The following NLRP12 variants were observed in gnomAD, a reference collection of about 807,000 sequenced individuals.
The protein encoded by NLRP12 is NLR family pyrin domain containing 12, also known as NACHT, LRR and PYD domains-containing protein 12.
Under a neutral mutation model 91.2 loss-of-function variants are expected in NLRP12, and 108 were observed. The observed-to-expected ratio is 1.18, with a 90% CI of 1.01 to 1.39. The LOEUF is 1.39. NLRP12 is among the 40% of genes most tolerant of loss of function. The probability of loss-of-function intolerance (pLI) is 0.00; values close to 1 mark genes in which losing one functional copy is unlikely to be tolerated. For synonymous variants in NLRP12, 613 were observed against 566.7 expected, an observed-to-expected ratio of 1.08 and a Z score of -1.16; for missense variants, 1,530 against 1,352.7, an observed-to-expected ratio of 1.13 and a Z score of -2.06.
intron 4 of NLRP12, among the ~76,000 whole-genome samples, chr19:53,807,073 T>C (rs956658622): frequency 1.3e-5 from 2 of 151,034 alleles, no homozygotes; most frequent in African/African-American, 2.5e-5. Flanking sequence ...TCTTTGGCAC[T>C]TTTTTCCCCC....
At chr19:53,794,277 G>C (rs2091704552) in intron 9 of NLRP12, 141 bp from the exon 10 acceptor site, 1 of 736,754 alleles carries the variant, frequency 1.4e-6, no homozygotes, top group Non-Finnish European at 2.5e-6. Context: ...TGGAAAGTAG[G>C]CTTACTACAT....
chr19:53,795,721 C>G lies in NLRP12; in HGVS notation c.3098+138G>C, dbSNP rs2042295. 0.53 allele frequency: 416,146 copies of G among 790,460 alleles called. 111,464 individuals carry two copies. Among genetic ancestry groups the G allele is most frequent in the South Asian group, 0.63 (43,046 of 68,368 alleles). 49.0% of individuals were successfully genotyped at this position (790,460 alleles called of 1,614,324 possible). ...GTCACACAGCCAGTAGATGACATAG[C>G]TAATATGTGGCCTCATCTGTATGCC... On this transcript the variant is annotated intron_variant, in intron 9 of 9. Transcript: ENST00000324134.
At chr19:53,814,598 G>A (rs3848583) in intron 2 of NLRP12, among the ~76,000 whole-genome samples, 16,574 of 151,960 alleles carry the variant, frequency 0.11, 1,117 homozygotes, top group South Asian at 0.19. Context: ...TGATCTGCCC[G>A]CTTTGGCCTC....
At chr19:53,808,187 A>C (rs1424358642) in intron 3 of NLRP12, 6 of 249,284 alleles carry the variant, frequency 2.4e-5, no homozygotes, top group Non-Finnish European at 4.0e-5. Context: ...CCTACTGAGA[A>C]GCTGGGGCTA....
Position 53,805,387 on chromosome 19 carries a change from A to T in NLRP12, c.2307T>A (p.Asn769Lys), listed in dbSNP as rs774760366. 4 of 1,613,964 alleles carry T rather than the reference A, an allele frequency of 2.5e-6. No homozygotes were observed. The highest frequency in any genetic ancestry group is 2.2e-5 in the East Asian group (1 of 44,862). The change falls in exon 5 of 10, where the codon AAT becomes AAA. Residue 769 changes from asparagine to lysine, a missense_variant. Physicochemically the swap from Asn to Lys is moderately conservative, Grantham distance 94. Transcript: ENST00000324134. ...CEDLSAALIANKNLTRMDLSG... is the reference protein window; with the variant it reads ...CEDLSAALIAKKNLTRMDLSG... ...TGAGATCCATCCTTGTCAAATTCTT[A>T]TTGGCTATGAGAGCTGCAGAGAGGT... is the stretch of plus-strand genomic sequence containing the variant.
At chr19:53,815,081 C>T (rs1236396537) in intron 1 of NLRP12, 93 bp from the exon 2 acceptor site, 2 of 944,208 alleles carry the variant, frequency 2.1e-6, no homozygotes, top group South Asian at 1.3e-5. Flanking sequence ...GCCTGCATAA[C>T]TCCCTGGTCA....
rs546386036 is a variant in NLRP12 at position 53,801,390 on chromosome 19, T to C, written c.2593A>G (p.Ile865Val). The stretch of plus-strand genomic sequence containing the variant: ...CAGGCAGCAGCAGTGAGGCGGCAGA[T>C]CTTCAGCCTGCACAAAGTCCAATTC... ...VCRLRTLWLKICRLTAAACDE... is the reference protein window; with the variant it reads ...VCRLRTLWLKVCRLTAAACDE... The change falls in exon 7 of 10, where the codon ATC (isoleucine) becomes GTC (valine). Residue 865 changes from isoleucine (I) to valine (V), a missense_variant. By Grantham distance (29) the Ile-to-Val change is conservative. Coordinates refer to ENST00000324134, the MANE Select transcript of NLRP12 (RefSeq NM_144687.4). The C allele has an allele frequency of 1.2e-6, 2 of 1,613,246 alleles. No homozygotes were observed. The highest frequency in any genetic ancestry group is 2.7e-5 in the African/African-American group (2 of 74,832).
chr19:53,801,615 G>A (rs1306707998), intron 6 of NLRP12, among the ~76,000 whole-genome samples: 1 of 151,348 alleles, frequency 6.6e-6, no homozygotes, highest in African/African-American at 2.4e-5. Context: ...ATCACGCCTA[G>A]TTAGTTTTTG....
chr19:53,797,149 C>T (rs529902035), intron 8 of NLRP12, among the ~76,000 whole-genome samples: 35 of 141,906 alleles, frequency 2.5e-4, no homozygotes, highest in African/African-American at 8.3e-4. Flanking sequence ...TTTTTTTTCT[C>T]GAGATGGAGT....
intron 1 of NLRP12, among the ~76,000 whole-genome samples, chr19:53,819,453 A>G (rs367865035): frequency 0.085 from 632 of 7,468 alleles, 102 homozygotes; most frequent in Non-Finnish European, 0.12. Flanking sequence ...ATATATATAT[A>G]TATATGTGTG....
intron 1 of NLRP12, among the ~76,000 whole-genome samples, chr19:53,820,765 G>A (rs939546419): frequency 7.4e-5 from 11 of 147,856 alleles, no homozygotes; most frequent in Admixed American, 3.4e-4. Context: ...TCAGCTCACC[G>A]CAAGCTCTGC....
chr19:53,798,190 GCTTCCA>G (rs1568657459), intron 8 of NLRP12, 47 bp downstream of exon 8: 1 of 1,577,846 alleles, frequency 6.3e-7, no homozygotes, highest in African/African-American at 1.3e-5. Context: ...ATGAGAAGGC[GCTTCCA>G]CTGTCCAAAC....
chr19:53,815,590 G>GC (rs1439887178), intron 1 of NLRP12, among the ~76,000 whole-genome samples: 1 of 150,440 alleles, frequency 6.6e-6, no homozygotes, highest in African/African-American at 2.4e-5. Context: ...TCAGCTCTGG[G>GC]CCACATCTCA....
Position 53,810,721 on chromosome 19 carries a change from C to A in NLRP12, c.938G>T (p.Cys313Phe). The change falls in exon 3 of 10, where the codon TGC becomes TTC. Residue 313 changes from cysteine to phenylalanine, a missense_variant. Cys to Phe is a radical substitution (Grantham distance 205, BLOSUM62 -2). Transcript: ENST00000324134. ...FHDPQGPWCL[C>F]WEEKRPTELL... ...CTCCGTGGGCCGTTTCTCCTCCCAG[C>A]AGAGGCACCAGGGTCCCTGAGGATC... 1 of 1,614,036 alleles carries A rather than the reference C, an allele frequency of 6.2e-7. No homozygotes were observed. The highest frequency in any genetic ancestry group is 1.3e-5 in the African/African-American group (1 of 75,014).
At chr19:53,800,738 A>C (rs993247417) in intron 7 of NLRP12, among the ~76,000 whole-genome samples, 7 of 151,912 alleles carry the variant, frequency 4.6e-5, no homozygotes, top group African/African-American at 1.7e-4. Context: ...ATGCACCACC[A>C]TGCCTGGCTA....
intron 5 of NLRP12, 141 bp downstream of exon 5, chr19:53,805,139 C>T (rs2091936932): frequency 3.5e-6 from 3 of 847,310 alleles, no homozygotes; most frequent in Non-Finnish European, 5.8e-6. Flanking sequence ...GCCTAGAGTC[C>T]AGGGCCAGGG....
chr19:53,798,026 C>T (rs1019011693), intron 8 of NLRP12, among the ~76,000 whole-genome samples: 7 of 152,216 alleles, frequency 4.6e-5, no homozygotes, highest in African/African-American at 9.6e-5. Context: ...TGCGCCATCG[C>T]GCCTGGCCTT....
chr19:53,823,522 A>ATTT (rs1430859157), intron 1 of NLRP12, among the ~76,000 whole-genome samples: 3 of 128,216 alleles, frequency 2.3e-5, no homozygotes, highest in Admixed American at 8.6e-5. Context: ...TTTAAAACAT[A>ATTT]TATTTTAAAT....
intron 1 of NLRP12, among the ~76,000 whole-genome samples, chr19:53,819,840 A>G (rs2092240927): frequency 6.6e-6 from 1 of 150,644 alleles, no homozygotes; most frequent in African/African-American, 2.4e-5. Flanking sequence ...AGAGAAAAAG[A>G]GAGGAGAGGG....
Sources: allele counts gnomAD v4.1 joint callset (sites outside exome capture counted in the v4.1 genomes callset), GRCh38; gene constraint gnomAD v4.1.1; transcripts MANE v1.5; gene names NCBI Gene and HGNC (gene_info 2026-07-23, HGNC 2026-07-21).